Variants in CNTNAP2 observed in about 807,000 individuals in gnomAD.
CNTNAP2 encodes the protein contactin associated protein 2.
In CNTNAP2, 98 loss-of-function variants were observed where a neutral mutation model predicts 155.2. The ratio of observed to expected loss-of-function variants is 0.63; its 90% CI spans 0.54 to 0.75. The LOEUF (loss-of-function observed/expected upper bound fraction) is 0.75, where lower values mean the gene tolerates loss of function less well. Ranked by LOEUF, CNTNAP2 falls within the 30% of genes least tolerant of loss-of-function variation. The probability of loss-of-function intolerance (pLI) is 0.00; values close to 1 mark genes in which losing one functional copy is unlikely to be tolerated. For synonymous variants in CNTNAP2, 651 were observed against 631.2 expected (o/e 1.03, Z -0.47); for missense variants, 1,727 against 1,688.1 (o/e 1.02, Z -0.40).
rs566658248 is a variant in CNTNAP2 at position 147,789,203 on chromosome 7, G to A, written c.2099-114362G>A. ...ATTACAGGCGTGAGCCACCACGCCCGGCCCAATAGAGTACACTTTAACATT... is the reference window on the plus strand; with the variant it reads ...ATTACAGGCGTGAGCCACCACGCCCAGCCCAATAGAGTACACTTTAACATT... On this transcript the variant is annotated intron_variant, in intron 13 of 23. Transcript: ENST00000361727. Among the ~76,000 whole-genome samples the A allele has an allele frequency of 2.4e-3, 364 of 152,096 alleles. 1 individual carries two copies. The highest frequency in any genetic ancestry group is 8.2e-3 in the African/African-American group (341 of 41,496).
intron 13 of CNTNAP2, among the ~76,000 whole-genome samples, chr7:147,740,791 C>T (rs1312857509): frequency 1.3e-5 from 2 of 152,076 alleles, no homozygotes; most frequent in African/African-American, 4.8e-5. Context: ...GATTTGTGTG[C>T]AAGGAATTTA....
intron 8 of CNTNAP2, among the ~76,000 whole-genome samples, chr7:147,217,230 A>G (rs1803293373): frequency 6.6e-6 from 1 of 151,880 alleles, no homozygotes. Flanking sequence ...CCTGTTCTTG[A>G]TCTTAGAGGG....
At chr7:147,470,480 G>A (rs1237965448) in intron 10 of CNTNAP2, among the ~76,000 whole-genome samples, 2 of 151,950 alleles carry the variant, frequency 1.3e-5, no homozygotes, top group Non-Finnish European at 2.9e-5. Flanking sequence ...TGGTAGCTAT[G>A]ATAGCGTCTT....
intron 1 of CNTNAP2, among the ~76,000 whole-genome samples, chr7:146,396,162 G>A (rs1795624404): frequency 6.6e-6 from 1 of 151,812 alleles, no homozygotes; most frequent in Admixed American, 6.6e-5. Flanking sequence ...CAGTTTTCTG[G>A]GGAAAATAGT....
chr7:148,232,367 A>T (rs1317123330), intron 20 of CNTNAP2, among the ~76,000 whole-genome samples: 1 of 152,202 alleles, frequency 6.6e-6, no homozygotes, highest in Non-Finnish European at 1.5e-5. Context: ...CAATCTAAAA[A>T]TCCATCTTGA....
intron 1 of CNTNAP2, among the ~76,000 whole-genome samples, chr7:146,132,157 G>A (rs1224973529): frequency 5.9e-5 from 9 of 152,084 alleles, no homozygotes; most frequent in Non-Finnish European, 5.9e-5. Flanking sequence ...TACAGTCTCT[G>A]CTAAAATACG....
chr7:147,188,534 T>C (rs1802615090), intron 8 of CNTNAP2, among the ~76,000 whole-genome samples: 1 of 152,136 alleles, frequency 6.6e-6, no homozygotes, highest in African/African-American at 2.4e-5. Context: ...AAGCACCAGA[T>C]TGGGCTTCTG....
At chr7:147,163,516 T>C (rs1469163292) in intron 8 of CNTNAP2, among the ~76,000 whole-genome samples, 1 of 152,194 alleles carries the variant, frequency 6.6e-6, no homozygotes, top group East Asian at 1.9e-4. Flanking sequence ...ATCTCCTATC[T>C]CCTATGGTTT....
chr7:147,688,369 G>C (rs6970360), intron 13 of CNTNAP2, among the ~76,000 whole-genome samples: 4,082 of 152,178 alleles, frequency 0.027, 253 homozygotes, highest in Admixed American at 0.15. Context: ...TCTGAAATGC[G>C]TGAAAGAGTA....
intron 13 of CNTNAP2, among the ~76,000 whole-genome samples, chr7:147,675,090 C>T (rs960504652): frequency 1.3e-5 from 2 of 152,050 alleles, no homozygotes; most frequent in Non-Finnish European, 2.9e-5. Flanking sequence ...TAAGGCCAAA[C>T]CTCCTTCAAA....
intron 13 of CNTNAP2, among the ~76,000 whole-genome samples, chr7:147,702,487 T>A (rs1796250510): frequency 6.6e-6 from 1 of 151,966 alleles, no homozygotes. Context: ...TCAGTAAGAA[T>A]AAAGAATATT....
chr7:147,671,534 A>G (rs565591830), intron 13 of CNTNAP2, among the ~76,000 whole-genome samples: 1 of 152,324 alleles, frequency 6.6e-6, no homozygotes, highest in South Asian at 2.1e-4. Flanking sequence ...CAAAATAACT[A>G]GATAGATTTT....
At chr7:146,311,460 T>C (rs62503479) in intron 1 of CNTNAP2, among the ~76,000 whole-genome samples, 10 of 151,836 alleles carry the variant, frequency 6.6e-5, no homozygotes, top group African/African-American at 2.4e-4. Flanking sequence ...CAAATCAACA[T>C]TGTTTATTAA....
At chr7:148,022,220 G>A (rs896340353) in intron 15 of CNTNAP2, among the ~76,000 whole-genome samples, 1 of 152,022 alleles carries the variant, frequency 6.6e-6, no homozygotes, top group South Asian at 2.1e-4. Context: ...TGTAATCCTA[G>A]CACTATGGGA....
chr7:147,573,693 C>A (rs184949168), intron 12 of CNTNAP2, among the ~76,000 whole-genome samples: 56 of 152,288 alleles, frequency 3.7e-4, no homozygotes, highest in Middle Eastern at 3.4e-3. Flanking sequence ...TGACATTTCA[C>A]TTTGTTCTAA....
intron 4 of CNTNAP2, among the ~76,000 whole-genome samples, chr7:147,087,752 G>A (rs1401451194): frequency 6.6e-6 from 1 of 152,080 alleles, no homozygotes; most frequent in Non-Finnish European, 1.5e-5. Context: ...CAAGGTAGGT[G>A]GATCATATGA....
intron 2 of CNTNAP2, among the ~76,000 whole-genome samples, chr7:146,822,564 T>TG (rs1265318593): frequency 6.6e-6 from 1 of 150,974 alleles, no homozygotes; most frequent in Non-Finnish European, 1.5e-5. Context: ...CTACAGTGTC[T>TG]GAGTATTAAG....
chr7:147,603,360 G>T (rs1382241185), intron 12 of CNTNAP2, among the ~76,000 whole-genome samples: 1 of 151,918 alleles, frequency 6.6e-6, no homozygotes, highest in Non-Finnish European at 1.5e-5. Context: ...AAATTTGTTT[G>T]AGTTCAGCAA....
chr7:147,592,438 C>T (rs1480431869), intron 12 of CNTNAP2, among the ~76,000 whole-genome samples: 1 of 148,090 alleles, frequency 6.8e-6, no homozygotes, highest in African/African-American at 2.5e-5. Flanking sequence ...CCAATAATTA[C>T]TAAAAATAAT....
Sources: gnomAD v4.1 joint callset for allele counts (sites outside exome capture counted in the v4.1 genomes callset) on GRCh38, gnomAD v4.1.1 for gene constraint, MANE v1.5 for transcripts, NCBI Gene and HGNC (gene_info 2026-07-23, HGNC 2026-07-21) for gene names.